CSMD1: variants seen among roughly 807,000 people sequenced by gnomAD.
The protein encoded by CSMD1 is CUB and Sushi multiple domains 1.
CSMD1 carries 213 observed loss-of-function variants against 417.5 expected under a neutral mutation model. The ratio of observed to expected loss-of-function variants is 0.51; its 90% confidence interval spans 0.46 to 0.57. The LOEUF is 0.57. CSMD1 is among the 20% of genes least tolerant of loss of function. The probability of loss-of-function intolerance (pLI) is 0.00; values close to 1 mark genes in which losing one functional copy is unlikely to be tolerated. For missense variants in CSMD1, 6,923 were observed against 4,529.7 expected (o/e 1.53, Z -15.17); for synonymous variants, 2,862 against 1,736.8 (o/e 1.65, Z -16.11).
intron 2 of CSMD1, among the ~76,000 whole-genome samples, chr8:4,631,384 T>C (rs567422570): frequency 5.2e-4 from 78 of 149,064 alleles, no homozygotes; most frequent in Non-Finnish European, 9.3e-4. Context: ...TAAAATAAAA[T>C]GATACCTTGG....
At chr8:4,514,076 A>T (rs4875107) in intron 2 of CSMD1, among the ~76,000 whole-genome samples, 37,965 of 151,954 alleles carry the variant, frequency 0.25, 5,497 homozygotes, top group Admixed American at 0.39. Context: ...TTTTTATTTT[A>T]TTATTATTAT....
In CSMD1 at chr8:4,031,668, T is replaced by C. The variant is rs940149; in HGVS notation, c.610+237A>G. ...AACATGTAATATTATATATTATTACTTATCACATGTTATTACTTACATACT... is the reference window on the plus strand; with the variant it reads ...AACATGTAATATTATATATTATTACCTATCACATGTTATTACTTACATACT... On this transcript the variant is annotated intron_variant, in intron 4 of 69. Transcript: ENST00000635120. 0.18 allele frequency among the ~76,000 whole-genome samples: 27,086 copies of C among 152,224 alleles called. 2,722 individuals carry two copies. The highest frequency in any genetic ancestry group is 0.27 in the African/African-American group (11,014 of 41,516).
chr8:3,386,079 A>C (rs967506662), intron 18 of CSMD1, among the ~76,000 whole-genome samples: 1 of 152,216 alleles, frequency 6.6e-6, no homozygotes, highest in Non-Finnish European at 1.5e-5. Flanking sequence ...ATATCAATAC[A>C]ATGTCTAAAT....
chr8:3,656,538 G>A (rs965571471), intron 7 of CSMD1, among the ~76,000 whole-genome samples: 1 of 152,182 alleles, frequency 6.6e-6, no homozygotes, highest in Admixed American at 6.5e-5. Context: ...AAAATAATGG[G>A]TAGATGCTCA....
chr8:4,831,750 T>G (rs1800162473), intron 1 of CSMD1, among the ~76,000 whole-genome samples: 1 of 152,164 alleles, frequency 6.6e-6, no homozygotes, highest in East Asian at 1.9e-4. Flanking sequence ...GGGGTTCTAG[T>G]CCAATTCCTA....
rs146443985 is a variant in CSMD1 at position 4,967,854 on chromosome 8, T to C, written c.85+26478A>G. Among the ~76,000 whole-genome samples, 9 of 152,296 alleles carry C rather than the reference T, an allele frequency of 5.9e-5. 1 individual carries two copies. The East Asian group carries it at 1.2e-3, about 20-fold the overall frequency. ...GTTGTAACAGTTGAGATGACAACTT[T>C]ACAAGTCAAAGGATGTGCTGACTCC... On this transcript the variant is annotated intron_variant, in intron 1 of 69. Transcript: ENST00000635120.
At chr8:3,701,360 T>G (rs1228091534) in intron 7 of CSMD1, among the ~76,000 whole-genome samples, 3 of 152,086 alleles carry the variant, frequency 2.0e-5, no homozygotes, top group Non-Finnish European at 2.9e-5. Flanking sequence ...ACTTCTCTTT[T>G]TCTTTGTCTC....
At chr8:3,479,056 C>T (rs1447999631) in intron 11 of CSMD1, among the ~76,000 whole-genome samples, 1 of 152,034 alleles carries the variant, frequency 6.6e-6, no homozygotes, top group African/African-American at 2.4e-5. Context: ...TCCTTCTGCC[C>T]CCTCAGCCAG....
rs555586247 is a variant in CSMD1, at chr8:4,055,726, C to T, written c.416-23627G>A. ...ACCATGTATTAATTACAAATAAAAA[C>T]TTGCTGTCATCCACAACAGAATGAC... On this transcript the variant is annotated intron_variant, in intron 3 of 69. Transcript: ENST00000635120. Among the ~76,000 whole-genome samples, 3 of 152,130 alleles carry T rather than the reference C, an allele frequency of 2.0e-5. No individual in the cohort carries two copies. The South Asian group carries it at 6.2e-4, about 32-fold the overall frequency.
At chr8:4,739,702 T>C (rs1360576933) in intron 1 of CSMD1, among the ~76,000 whole-genome samples, 2 of 152,170 alleles carry the variant, frequency 1.3e-5, no homozygotes, top group African/African-American at 4.8e-5. Flanking sequence ...GCATTTTGTG[T>C]CTAGCACTTT....
At position 3,840,181 on chromosome 8, in the gene CSMD1, G is replaced by A. The variant is rs935999996; in HGVS notation, c.819-86139C>T. Reference sequence around the variant, plus strand: ...TCTCAACATGCCTAAGCTATCAAAGGGCCTTCATAAAGTAACTAAATGCTT... The same window carrying A: ...TCTCAACATGCCTAAGCTATCAAAGAGCCTTCATAAAGTAACTAAATGCTT... On this transcript the variant is annotated intron_variant, in intron 5 of 69. Transcript: ENST00000635120. 2.0e-4 allele frequency among the ~76,000 whole-genome samples: 31 copies of A among 151,896 alleles called. 1 individual carries two copies. The highest frequency in any genetic ancestry group is 2.2e-4 in the Non-Finnish European group (15 of 67,994).
chr8:4,070,249 A>G (rs868666658), intron 3 of CSMD1, among the ~76,000 whole-genome samples: 1 of 152,156 alleles, frequency 6.6e-6, no homozygotes. Flanking sequence ...TATATATTAC[A>G]AACATGCAAT....
intron 3 of CSMD1, among the ~76,000 whole-genome samples, chr8:4,394,001 C>A (rs1034824062): frequency 2.0e-5 from 3 of 152,182 alleles, no homozygotes; most frequent in East Asian, 1.9e-4. Context: ...TAGAGCAACA[C>A]ATATATAGCA....
intron 1 of CSMD1, among the ~76,000 whole-genome samples, chr8:4,694,555 G>A (rs911547386): frequency 5.3e-5 from 8 of 151,694 alleles, no homozygotes; most frequent in African/African-American, 1.5e-4. Flanking sequence ...AGTAGAGACG[G>A]GGTTTCACCA....
At chr8:3,335,310 A>G (rs1184289226) in intron 23 of CSMD1, among the ~76,000 whole-genome samples, 1 of 152,170 alleles carries the variant, frequency 6.6e-6, no homozygotes, top group Non-Finnish European at 1.5e-5. Flanking sequence ...CAGTGACAGG[A>G]TCAATTTCCC....
At chr8:4,409,761 T>C (rs1194675415) in intron 3 of CSMD1, among the ~76,000 whole-genome samples, 1 of 151,868 alleles carries the variant, frequency 6.6e-6, no homozygotes. Flanking sequence ...GCATAACTGT[T>C]CCAGGAGAAT....
intron 3 of CSMD1, among the ~76,000 whole-genome samples, chr8:4,044,974 C>T (rs564311862): frequency 2.6e-5 from 4 of 152,360 alleles, no homozygotes; most frequent in South Asian, 4.1e-4. Flanking sequence ...ATCTTGTTCA[C>T]GGAGGAGTTT....
chr8:4,325,338 G>A (rs977661076), intron 3 of CSMD1, among the ~76,000 whole-genome samples: 29 of 152,042 alleles, frequency 1.9e-4, no homozygotes, highest in African/African-American at 5.3e-4. Context: ...GAGGTGGAGG[G>A]TTCTCTTGTC....
chr8:3,128,819 A>C lies in CSMD1; in HGVS notation c.6242-10232T>G. 4.6e-6 allele frequency: 2 copies of C among 438,100 alleles called. 1 individual carries two copies. The highest frequency in any genetic ancestry group is 9.0e-6 in the Non-Finnish European group (2 of 222,054). 27.1% of individuals were successfully genotyped at this position (438,100 alleles called of 1,614,324 possible). A position where few individuals can be genotyped will look rare whatever the true frequency, so the allele number is the denominator to read the frequency against. ...CGAGTTTTTGTTTTTTTTTTAATTGAAAGTCCTTTCTTCTCCTTGACATCT... is the reference window on the plus strand; with the variant it reads ...CGAGTTTTTGTTTTTTTTTTAATTGCAAGTCCTTTCTTCTCCTTGACATCT... On this transcript the variant is annotated intron_variant, in intron 41 of 69. Coordinates refer to ENST00000635120, the MANE Select transcript of CSMD1 (RefSeq NM_033225.6).
Sources: gnomAD v4.1 joint callset for allele counts (sites outside exome capture counted in the v4.1 genomes callset) on GRCh38, gnomAD v4.1.1 for gene constraint, MANE v1.5 for transcripts, NCBI Gene and HGNC (gene_info 2026-07-23, HGNC 2026-07-21) for gene names.